Variants in UPP2 observed in about 807,000 individuals in gnomAD.
UPP2 encodes the protein UPase 2.
A neutral mutation model predicts 26.7 loss-of-function variants in UPP2; 23 were observed. That is an observed-to-expected ratio of 0.86 (90% CI 0.62 to 1.22). UPP2 has a LOEUF of 1.22. Among genes scored for constraint, UPP2 ranks in the 50% most tolerant of loss-of-function variants. The pLI is 0.00. For synonymous variants in UPP2, 127 were observed against 141.3 expected, an observed-to-expected ratio of 0.90 and a Z score of 0.72; for missense variants, 387 against 396.7, an observed-to-expected ratio of 0.98 and a Z score of 0.21.
rs556644639 is a variant in UPP2 at position 158,016,856 on chromosome 2, A to G, written c.147+970A>G. Among the ~76,000 whole-genome samples, 6 of 152,228 alleles carry G rather than the reference A, an allele frequency of 3.9e-5. No individual in the cohort carries two copies. In the East Asian group the frequency reaches 1.2e-3, roughly 29 times the overall value. On this transcript the variant is annotated intron_variant, in intron 3 of 9. Coordinates refer to the UPP2 transcript ENST00000605860. ...TGTTTCAGGCACAGGTCAAATCCTCAATTTTTCCCTCTGAACAAAAAAGAA... is the reference window on the plus strand; with the variant it reads ...TGTTTCAGGCACAGGTCAAATCCTCGATTTTTCCCTCTGAACAAAAAAGAA...
At chr2:158,038,955 C>T (rs1185182977) in intron 3 of UPP2, among the ~76,000 whole-genome samples, 2 of 152,210 alleles carry the variant, frequency 1.3e-5, no homozygotes, top group East Asian at 1.9e-4. Context: ...TTGAGAGCTG[C>T]AGGGATCTAC....
intron 3 of UPP2, among the ~76,000 whole-genome samples, chr2:158,088,646 G>C (rs538456214): frequency 1.3e-5 from 2 of 152,170 alleles, no homozygotes; most frequent in African/African-American, 4.8e-5. Flanking sequence ...AAGGGCTGCT[G>C]TTCAGATTCT....
chr2:158,080,140 T>C (rs1682700165), intron 3 of UPP2, among the ~76,000 whole-genome samples: 1 of 152,194 alleles, frequency 6.6e-6, no homozygotes, highest in Non-Finnish European at 1.5e-5. Context: ...ATTCATAAAT[T>C]TTTATTTAAA....
intron 2 of UPP2, among the ~76,000 whole-genome samples, chr2:158,108,165 G>A (rs1244038808): frequency 6.6e-6 from 1 of 152,062 alleles, no homozygotes. Flanking sequence ...ACATATCTTG[G>A]GTGTCTGTGT....
At chr2:158,114,964 T>A (rs1683392622) in intron 2 of UPP2, 137 bp from the exon 3 acceptor site, 3 of 778,220 alleles carry the variant, frequency 3.9e-6, no homozygotes, top group East Asian at 3.2e-5. Context: ...AGCTAATTCA[T>A]GGAACATAAA....
intron 4 of UPP2, among the ~76,000 whole-genome samples, chr2:158,118,651 A>C (rs1395091809): frequency 6.6e-6 from 1 of 152,050 alleles, no homozygotes; most frequent in East Asian, 1.9e-4. Context: ...CATGTCACCA[A>C]AGTGCAAATA....
At chr2:158,033,626 T>G (rs565809728) in intron 3 of UPP2, among the ~76,000 whole-genome samples, 1 of 152,260 alleles carries the variant, frequency 6.6e-6, no homozygotes, top group South Asian at 2.1e-4. Flanking sequence ...CTTGGCAAGA[T>G]AGCAGCAATA....
rs201089487 is a variant in UPP2, at chr2:158,015,875, G to T, written c.136G>T (p.Ala46Ser). Residue 46 changes from alanine (A) to serine (S), a missense_variant, in exon 3 of 10, where the codon GCC becomes TCC. Coordinates refer to the UPP2 transcript ENST00000605860. ...GCCTCCCAGCCATGCTTCCTGTACAGCCTGTGGAACTGTGAGTCAATTAAA... is the reference window on the plus strand; with the variant it reads ...GCCTCCCAGCCATGCTTCCTGTACATCCTGTGGAACTGTGAGTCAATTAAA... The T allele has an allele frequency of 2.7e-3, 1,239 of 451,122 alleles. 8 individuals are homozygous for T. Among genetic ancestry groups the T allele is most frequent in the Non-Finnish European group, 3.9e-3 (875 of 225,942 alleles). 27.9% of individuals were successfully genotyped at this position (451,122 alleles called of 1,614,324 possible).
intron 3 of UPP2, among the ~76,000 whole-genome samples, chr2:158,028,076 A>G (rs753575807): frequency 2.6e-5 from 4 of 151,840 alleles, no homozygotes; most frequent in East Asian, 3.9e-4. Context: ...CCCTGGAGAC[A>G]TTTTCTCCAT....
chr2:158,103,218 C>G (rs960791874), intron 1 of UPP2, among the ~76,000 whole-genome samples: 1 of 152,108 alleles, frequency 6.6e-6, no homozygotes, highest in South Asian at 2.1e-4. Context: ...CCCAATGAAA[C>G]AAGAAACTTC....
chr2:158,047,750 C>A (rs768336534), intron 3 of UPP2, among the ~76,000 whole-genome samples: 11 of 152,206 alleles, frequency 7.2e-5, no homozygotes, highest in Admixed American at 2.0e-4. Flanking sequence ...ATCCTTTATC[C>A]TATTGCCACA....
intron 3 of UPP2, among the ~76,000 whole-genome samples, chr2:158,072,340 T>C (rs932000004): frequency 6.6e-6 from 1 of 152,166 alleles, no homozygotes; most frequent in African/African-American, 2.4e-5. Context: ...GATTTCTAGG[T>C]TTTTTTACTC....
In UPP2 at chr2:158,023,233, G is replaced by GGGGA. The variant is rs946727819; in HGVS notation, c.147+7350_147+7351insAGGG. 2.0e-5 allele frequency among the ~76,000 whole-genome samples: 3 copies of GGGGA among 146,396 alleles called. 1 individual carries two copies. Among genetic ancestry groups the GGGGA allele is most frequent in the Admixed American group, 1.4e-4 (2 of 14,582 alleles). On this transcript the variant is annotated intron_variant, in intron 3 of 9. Coordinates refer to the UPP2 transcript ENST00000605860. ...AGGTCATGGGGTTGCTGTCAGTTGG[G>GGGGA]GGGGGGCATTTGGAAGGCTTTCAGT...
intron 1 of UPP2, among the ~76,000 whole-genome samples, chr2:158,102,895 G>T (rs147719054): frequency 5.9e-5 from 9 of 152,258 alleles, no homozygotes; most frequent in African/African-American, 2.2e-4. Flanking sequence ...AAATTATGAA[G>T]ATGAAGGTAA....
rs2105237367 is a variant in UPP2, at chr2:158,134,862, T to C, written c.926T>C (p.Ile309Thr). ...CCTCAGCTCCTAATCTCCAACTTCATCAGACGGCGGCTTGGACTTTGTGAC... is the reference window on the plus strand; with the variant it reads ...CCTCAGCTCCTAATCTCCAACTTCACCAGACGGCGGCTTGGACTTTGTGAC... The part of the protein sequence containing the change: ...QRPQLLISNF[I>T]RRRLGLCD The change falls in exon 7 of 7, where the codon ATC becomes ACC. Residue 309 changes from isoleucine to threonine, a missense_variant. Coordinates refer to ENST00000005756, the MANE Select transcript of UPP2 (RefSeq NM_173355.4). 1 of 1,613,676 alleles carries C rather than the reference T, an allele frequency of 6.2e-7. No homozygotes were observed.
At chr2:158,053,898 G>A (rs981654014) in intron 3 of UPP2, among the ~76,000 whole-genome samples, 3 of 152,092 alleles carry the variant, frequency 2.0e-5, no homozygotes, top group African/African-American at 7.2e-5. Context: ...CCAAAGAAGG[G>A]GTTTTCTTTA....
chr2:158,056,415 C>G (rs778176790), intron 3 of UPP2, among the ~76,000 whole-genome samples: 3 of 152,110 alleles, frequency 2.0e-5, no homozygotes, highest in Admixed American at 6.5e-5. Flanking sequence ...TTACTTTTTT[C>G]TGTTCCAGGA....
intron 3 of UPP2, among the ~76,000 whole-genome samples, chr2:158,072,167 C>A (rs146663942): frequency 1.3e-5 from 2 of 151,980 alleles, no homozygotes; most frequent in African/African-American, 4.8e-5. Flanking sequence ...TTCGGCTTTA[C>A]GTGAATATTG....
chr2:158,115,399 T>C (rs1020188025), intron 3 of UPP2, 140 bp downstream of exon 3: 4 of 1,058,862 alleles, frequency 3.8e-6, no homozygotes, highest in Middle Eastern at 2.3e-4. Flanking sequence ...GAGTTCATTA[T>C]TGGAAAAAGC....
Sources: allele counts gnomAD v4.1 joint callset (sites outside exome capture counted in the v4.1 genomes callset), GRCh38; gene constraint gnomAD v4.1.1; transcripts MANE v1.5; gene names NCBI Gene and HGNC (gene_info 2026-07-23, HGNC 2026-07-21).